SUSD4: variants seen among roughly 807,000 people sequenced by gnomAD.
SUSD4 encodes sushi domain-containing protein 4.
SUSD4 carries 41 observed loss-of-function variants against 50.5 expected under a neutral mutation model. That is an observed-to-expected ratio of 0.81 (90% confidence interval 0.63 to 1.05). The LOEUF (loss-of-function observed/expected upper bound fraction) is 1.05, where lower values mean the gene tolerates loss of function less well. SUSD4 is among the 50% of genes least tolerant of loss of function. The pLI, the probability that SUSD4 is intolerant of heterozygous loss-of-function variation, is 0.00. For missense variants in SUSD4, 580 were observed against 634.7 expected (o/e 0.91, Z 0.93); for synonymous variants, 257 against 257.3 (o/e 1.00, Z 0.01).
chr1:223,343,462 A>T lies in SUSD4; in HGVS notation c.148+19816T>A, dbSNP rs565093419. On this transcript the variant is annotated intron_variant, in intron 2 of 8. Coordinates refer to ENST00000366878, the MANE Select transcript of SUSD4 (RefSeq NM_017982.4). ...CATGTGCAGCACGATGGTGAAAAAA[A>T]TTATAGGGTATGCACAAAATAGAAT... Among the ~76,000 whole-genome samples the T allele has an allele frequency of 1.2e-3, 188 of 152,338 alleles. 1 individual carries two copies. The highest frequency in any genetic ancestry group is 4.2e-3 in the African/African-American group (174 of 41,578).
intron 5 of SUSD4, among the ~76,000 whole-genome samples, chr1:223,249,233 A>G (rs1661143940): frequency 6.6e-6 from 1 of 152,178 alleles, no homozygotes; most frequent in Non-Finnish European, 1.5e-5. Context: ...AGGGAAGGAA[A>G]TCAGGGGCAC....
intron 5 of SUSD4, among the ~76,000 whole-genome samples, chr1:223,232,346 T>C (rs1376105476): frequency 3.3e-5 from 5 of 152,208 alleles, no homozygotes; most frequent in Non-Finnish European, 4.4e-5. Context: ...TTGACTGTAA[T>C]AGTCATTTCA....
At chr1:223,267,130 T>G (rs1571924534) in intron 4 of SUSD4, among the ~76,000 whole-genome samples, 1 of 151,776 alleles carries the variant, frequency 6.6e-6, no homozygotes, top group Non-Finnish European at 1.5e-5. Flanking sequence ...GAAGGGGAGG[T>G]GGAGAAGGGG....
chr1:223,275,533 G>C (rs1399011291), intron 3 of SUSD4, among the ~76,000 whole-genome samples: 1 of 152,150 alleles, frequency 6.6e-6, no homozygotes, highest in Non-Finnish European at 1.5e-5. Context: ...ACTTCCAGAG[G>C]TTCTACCCCA....
At position 223,227,744 on chromosome 1, in the gene SUSD4, T is replaced by TGAGGGAGAAG. The variant is rs1659613700; in HGVS notation, c.917-7_917-6insCTTCTCCCTC. The TGAGGGAGAAG allele has an allele frequency of 6.2e-7, 1 of 1,608,532 alleles. No homozygotes were observed. Among genetic ancestry groups the TGAGGGAGAAG allele is most frequent in the East Asian group, 2.2e-5 (1 of 44,614 alleles). ...GGTGCTGGGCCACGTTTGCTCTGCA[T>TGAGGGAGAAG]GAGGGAGAACAAAGCTGTACGTGAG... On this transcript the variant is annotated splice_polypyrimidine_tract_variant and splice_region_variant and intron_variant, in intron 6 of 8. Transcript: ENST00000366878. This position sits in a 1 kb window ranked among gnomAD's most constrained non-coding sequence, Gnocchi z 4.5.
At chr1:223,267,065 C>T (rs761810904) in intron 4 of SUSD4, among the ~76,000 whole-genome samples, 5 of 152,160 alleles carry the variant, frequency 3.3e-5, no homozygotes, top group East Asian at 1.9e-4. Flanking sequence ...GCAGGGTAAC[C>T]GACTGGCTCT....
intron 7 of SUSD4, among the ~76,000 whole-genome samples, chr1:223,225,574 C>A (rs1358735405): frequency 6.6e-6 from 1 of 150,478 alleles, no homozygotes; most frequent in Non-Finnish European, 1.5e-5. Flanking sequence ...GTAGTTACTG[C>A]TTACCAGTAG....
intron 2 of SUSD4, among the ~76,000 whole-genome samples, chr1:223,356,021 C>T: frequency 6.6e-6 from 1 of 152,146 alleles, no homozygotes; most frequent in East Asian, 1.9e-4. Context: ...TAATGGCACT[C>T]CCAACTTTAT....
intron 3 of SUSD4, among the ~76,000 whole-genome samples, chr1:223,271,920 A>C (rs17163762): frequency 0.44 from 66,453 of 152,004 alleles, 15,143 homozygotes; most frequent in African/African-American, 0.57. Context: ...CTATAGCATA[A>C]ACTAATCTAG....
chr1:223,236,490 A>T (rs966174567), intron 5 of SUSD4, among the ~76,000 whole-genome samples: 2 of 151,084 alleles, frequency 1.3e-5, no homozygotes, highest in African/African-American at 2.4e-5. Context: ...TTTTACATTT[A>T]GGTATACGAT....
chr1:223,292,949 T>A (rs1664593645), intron 2 of SUSD4, among the ~76,000 whole-genome samples: 2 of 152,100 alleles, frequency 1.3e-5, no homozygotes, highest in African/African-American at 4.8e-5. Context: ...ACAAAAGATG[T>A]ACAAAATGCT....
chr1:223,225,606 T>C (rs851143), intron 7 of SUSD4, among the ~76,000 whole-genome samples: 55,843 of 151,888 alleles, frequency 0.37, 10,436 homozygotes, highest in Non-Finnish European at 0.41. Context: ...TTGACAATGA[T>C]GCTCCCTTCC....
In SUSD4 at chr1:223,308,243, T is replaced by G. The variant is rs977039915; in HGVS notation, c.149-15592A>C. Among the ~76,000 whole-genome samples, 4 of 152,188 alleles carry G rather than the reference T, an allele frequency of 2.6e-5. No homozygotes were observed. The East Asian group carries it at 7.7e-4, about 29-fold the overall frequency. On this transcript the variant is annotated intron_variant, in intron 2 of 8. Coordinates refer to ENST00000366878, the MANE Select transcript of SUSD4 (RefSeq NM_017982.4). Reference sequence around the variant, plus strand: ...TTGGATCATGGGGTTGGATTTCTCATGAATGGTTCAGCACATCCCCTTGGT... The same window carrying G: ...TTGGATCATGGGGTTGGATTTCTCAGGAATGGTTCAGCACATCCCCTTGGT...
At chr1:223,333,621 G>C (rs1667298303) in intron 2 of SUSD4, among the ~76,000 whole-genome samples, 1 of 152,206 alleles carries the variant, frequency 6.6e-6, no homozygotes, top group Non-Finnish European at 1.5e-5. Context: ...ATAAAGGAGT[G>C]AGCAGAACAG....
At chr1:223,230,507 C>T (rs1223924529) in intron 5 of SUSD4, 1 of 152,212 alleles carries the variant, frequency 6.6e-6, no homozygotes, top group East Asian at 1.9e-4. Context: ...GAAGAGGTGC[C>T]CTCTCCACAC....
intron 2 of SUSD4, among the ~76,000 whole-genome samples, chr1:223,361,244 C>T (rs1047100035): frequency 2.0e-5 from 3 of 152,170 alleles, no homozygotes; most frequent in Non-Finnish European, 4.4e-5. Context: ...CTCTATAGGA[C>T]ATCCCCCACC....
intron 5 of SUSD4, among the ~76,000 whole-genome samples, chr1:223,254,901 A>G (rs1374919347): frequency 7.1e-6 from 1 of 139,882 alleles, no homozygotes; most frequent in Non-Finnish European, 1.7e-5. Flanking sequence ...ATATATGAAC[A>G]GTACATGGAA....
chr1:223,303,175 A>G (rs1665300711), intron 2 of SUSD4, among the ~76,000 whole-genome samples: 2 of 152,118 alleles, frequency 1.3e-5, no homozygotes. Context: ...AAAATCATTG[A>G]TAACACATAT....
At chr1:223,348,462 A>G (rs761923019) in intron 2 of SUSD4, among the ~76,000 whole-genome samples, 3 of 152,176 alleles carry the variant, frequency 2.0e-5, no homozygotes, top group Non-Finnish European at 4.4e-5. Context: ...TACCTGTTCT[A>G]TATCTATTTA....
Sources: gnomAD v4.1 joint callset for allele counts (sites outside exome capture counted in the v4.1 genomes callset) on GRCh38, gnomAD v4.1.1 for gene constraint, Gnocchi (gnomAD v3.1) non-coding constraint, MANE v1.5 for transcripts, NCBI Gene and HGNC (gene_info 2026-07-23, HGNC 2026-07-21) for gene names.